PBX3: variants seen among roughly 807,000 people sequenced by gnomAD.
The protein encoded by PBX3 is PBX homeobox 3.
In PBX3, 14 loss-of-function variants were observed where a neutral mutation model predicts 48.5. The ratio of observed to expected loss-of-function variants is 0.29; its 90% CI spans 0.19 to 0.45. The LOEUF (loss-of-function observed/expected upper bound fraction) is 0.45. Ranked by LOEUF, PBX3 falls within the 20% of genes least tolerant of loss-of-function variation. The pLI is 1.00. For missense variants in PBX3, 386 were observed against 546.7 expected (o/e 0.71, Z 2.93); for synonymous variants, 210 against 200.3 (o/e 1.05, Z -0.41).
intron 2 of PBX3, among the ~76,000 whole-genome samples, chr9:125,910,330 G>T (rs928091112): frequency 3.3e-5 from 5 of 151,980 alleles, no homozygotes; most frequent in African/African-American, 1.2e-4. Context: ...TTAATGTCTC[G>T]CTCTGTTTTT....
intron 2 of PBX3, among the ~76,000 whole-genome samples, chr9:125,889,549 C>G (rs1840584801): frequency 6.6e-6 from 1 of 152,200 alleles, no homozygotes; most frequent in Non-Finnish European, 1.5e-5. Context: ...GCTCCGCTCT[C>G]AGTGGCATTT....
At chr9:125,937,021 C>T (rs796089793) in intron 5 of PBX3, among the ~76,000 whole-genome samples, 14 of 152,278 alleles carry the variant, frequency 9.2e-5, no homozygotes, top group African/African-American at 2.4e-4. Context: ...GATGATGATG[C>T]CACGCCTGGT....
At chr9:125,755,075 T>G (rs1001366169) in intron 2 of PBX3, among the ~76,000 whole-genome samples, 2 of 152,094 alleles carry the variant, frequency 1.3e-5, no homozygotes, top group Non-Finnish European at 2.9e-5. Flanking sequence ...CAACATGTTA[T>G]GGCAAAATGA....
intron 2 of PBX3, among the ~76,000 whole-genome samples, chr9:125,889,669 T>G (rs762024168): frequency 1.8e-4 from 27 of 151,922 alleles, no homozygotes; most frequent in Non-Finnish European, 3.7e-4. Flanking sequence ...AGCCCGCACA[T>G]GACACGGAGG....
intron 2 of PBX3, among the ~76,000 whole-genome samples, chr9:125,846,520 C>A (rs1839429363): frequency 1.3e-5 from 2 of 151,990 alleles, no homozygotes; most frequent in Non-Finnish European, 2.9e-5. Flanking sequence ...ATTCTCCCCA[C>A]CTCCTTCTCT....
intron 2 of PBX3, among the ~76,000 whole-genome samples, chr9:125,891,582 A>G (rs1219194636): frequency 6.6e-6 from 1 of 152,248 alleles, no homozygotes; most frequent in African/African-American, 2.4e-5. Context: ...TTTTTCTCCT[A>G]CTACGTTGCT....
intron 2 of PBX3, among the ~76,000 whole-genome samples, chr9:125,899,452 T>TAC (rs1218388914): frequency 1.1e-5 from 1 of 89,068 alleles, no homozygotes. Flanking sequence ...TATATATATA[T>TAC]ATAGAGAGAG....
intron 2 of PBX3, among the ~76,000 whole-genome samples, chr9:125,801,747 A>G (rs375138896): frequency 6.6e-6 from 1 of 150,798 alleles, no homozygotes. Context: ...GTTTTGTAAA[A>G]AGGTTTTTTC....
intron 2 of PBX3, among the ~76,000 whole-genome samples, chr9:125,911,851 T>C (rs1841210900): frequency 6.6e-6 from 1 of 152,180 alleles, no homozygotes; most frequent in African/African-American, 2.4e-5. Flanking sequence ...GTAAAAGTGA[T>C]GTGATGACAA....
chr9:125,958,912 A>C (rs1215420470), intron 5 of PBX3, among the ~76,000 whole-genome samples: 1 of 152,172 alleles, frequency 6.6e-6, no homozygotes, highest in Non-Finnish European at 1.5e-5. Context: ...TGTCTCTCTC[A>C]TGTATCAGGG....
At chr9:125,913,319 G>T (rs1239757867) in intron 2 of PBX3, among the ~76,000 whole-genome samples, 1 of 151,986 alleles carries the variant, frequency 6.6e-6, no homozygotes, top group Admixed American at 6.6e-5. Flanking sequence ...ACTTAGTGTT[G>T]ATTTACTGAT....
At chr9:125,802,515 C>T (rs1837988788) in intron 2 of PBX3, among the ~76,000 whole-genome samples, 1 of 151,682 alleles carries the variant, frequency 6.6e-6, no homozygotes, top group Non-Finnish European at 1.5e-5. Context: ...ACTACAAGCA[C>T]ACACCACCAG....
At chr9:125,826,819 AAGTCAG>A (rs1838821179) in intron 2 of PBX3, among the ~76,000 whole-genome samples, 1 of 152,164 alleles carries the variant, frequency 6.6e-6, no homozygotes, top group Admixed American at 6.5e-5. Flanking sequence ...TGTAATGATC[AAGTCAG>A]AGTATTTAAG....
intron 2 of PBX3, among the ~76,000 whole-genome samples, chr9:125,780,442 G>A (rs1290107787): frequency 2.3e-5 from 3 of 133,162 alleles, no homozygotes; most frequent in Non-Finnish European, 3.3e-5. Flanking sequence ...CCTCCCAGAC[G>A]GGGCGGCTGG....
chr9:125,940,229 A>G (rs1841930701), intron 5 of PBX3, among the ~76,000 whole-genome samples: 1 of 152,172 alleles, frequency 6.6e-6, no homozygotes, highest in Non-Finnish European at 1.5e-5. Flanking sequence ...TGGGATCAAG[A>G]AGGAACAATC....
At chr9:125,892,050 G>A (rs1201543379) in intron 2 of PBX3, among the ~76,000 whole-genome samples, 2 of 152,122 alleles carry the variant, frequency 1.3e-5, no homozygotes, top group African/African-American at 2.4e-5. Flanking sequence ...CTCCCGAGTA[G>A]CTGGGATTAC....
chr9:125,896,695 A>G (rs898536200), intron 2 of PBX3, among the ~76,000 whole-genome samples: 1 of 152,048 alleles, frequency 6.6e-6, no homozygotes, highest in African/African-American at 2.4e-5. Context: ...CACACTCATT[A>G]ACCTGCAAGC....
intron 5 of PBX3, among the ~76,000 whole-genome samples, chr9:125,943,812 T>A (rs1236908036): frequency 6.6e-6 from 1 of 151,898 alleles, no homozygotes; most frequent in Non-Finnish European, 1.5e-5. Flanking sequence ...TGATTGGTTC[T>A]GTTACCCACT....
intron 2 of PBX3, among the ~76,000 whole-genome samples, chr9:125,814,214 C>T (rs1838390889): frequency 1.1e-5 from 1 of 91,984 alleles, no homozygotes; most frequent in Non-Finnish European, 2.2e-5. Flanking sequence ...GTTGCATGTT[C>T]CCTTCAAAGA....
Sources: allele counts gnomAD v4.1 joint callset (sites outside exome capture counted in the v4.1 genomes callset), GRCh38; gene constraint gnomAD v4.1.1; transcripts MANE v1.5; gene names NCBI Gene and HGNC (gene_info 2026-07-23, HGNC 2026-07-21).